Variants in HS2ST1 observed in about 807,000 individuals in gnomAD.
HS2ST1 encodes the protein 2-O-sulfotransferase.
HS2ST1 carries 18 observed loss-of-function variants against 42.9 expected under a neutral mutation model. The ratio of observed to expected loss-of-function variants is 0.42; its 90% CI spans 0.29 to 0.62. HS2ST1 has a LOEUF of 0.62. Among genes scored for constraint, HS2ST1 ranks in the 20% least tolerant of loss-of-function variants. The pLI, the probability that HS2ST1 is intolerant of heterozygous loss-of-function variation, is 0.21. For synonymous variants in HS2ST1, 146 were observed against 152.9 expected (o/e 0.95, Z 0.33); for missense variants, 334 against 433.8 (o/e 0.77, Z 2.04).
intron 1 of HS2ST1, chr1:87,045,282 G>A: frequency 2.7e-6 from 3 of 1,102,472 alleles, no homozygotes; most frequent in South Asian, 2.5e-5. Context: ...GTATAGTCCT[G>A]GAGGAAGTAA....
At chr1:86,928,888 ACT>A (rs1553130639) in intron 1 of HS2ST1, among the ~76,000 whole-genome samples, 1 of 151,826 alleles carries the variant, frequency 6.6e-6, no homozygotes, top group Non-Finnish European at 1.5e-5. Context: ...TGTCAGTGAT[ACT>A]CTCTGACTTG....
rs1652357902 is a variant in HS2ST1 at position 87,107,696 on chromosome 1, ACTTGTATCAACTC to A, written c.*3003_*3015del. 1 of 151,936 alleles carries A rather than the reference ACTTGTATCAACTC, an allele frequency of 6.6e-6. No individual in the cohort carries two copies. Among genetic ancestry groups the A allele is most frequent in the Non-Finnish European group, 1.5e-5 (1 of 67,880 alleles). The allele number at this position is 151,936 out of a possible 1,614,324, so 9.4% of individuals were successfully genotyped here. ...AGAAGAAAAGATACCTTTCTGTTCA[ACTTGTATCAACTC>A]CTCTTTTCTAATTGCTGTGAAATGG... On this transcript the variant is annotated 3_prime_UTR_variant, in exon 7 of 7. Transcript: ENST00000370550.
At chr1:86,938,204 T>C (rs1332452472) in intron 1 of HS2ST1, among the ~76,000 whole-genome samples, 1 of 152,148 alleles carries the variant, frequency 6.6e-6, no homozygotes, top group African/African-American at 2.4e-5. Flanking sequence ...GAGACATCTC[T>C]TTTTCCCCCA....
At chr1:86,935,689 C>G (rs574917497) in intron 1 of HS2ST1, among the ~76,000 whole-genome samples, 11 of 151,978 alleles carry the variant, frequency 7.2e-5, no homozygotes, top group Non-Finnish European at 1.5e-4. Flanking sequence ...GTCTCAAACT[C>G]CTGGCCTCAA....
chr1:86,969,892 G>A (rs905451951), intron 1 of HS2ST1, among the ~76,000 whole-genome samples: 2 of 152,074 alleles, frequency 1.3e-5, no homozygotes, highest in Admixed American at 6.6e-5. Flanking sequence ...TTGGGAGGCC[G>A]AGGCAGGTGG....
Position 87,045,343 on chromosome 1 carries a change from G to C in HS2ST1, c.125-27591G>C. ...TCATTCCAAATTCTGACAACTTCTT[G>C]TGATTATTAGCTTCTGTCTCTCCCT... On this transcript the variant is annotated intron_variant, in intron 1 of 6. Transcript: ENST00000370550. The C allele has an allele frequency of 2.3e-6, 3 of 1,298,174 alleles. No individual in the cohort carries two copies. The South Asian group carries it at 3.5e-5, about 15-fold the overall frequency. The allele number at this position is 1,298,174 out of a possible 1,614,324, so 80.4% of individuals were successfully genotyped here.
intron 1 of HS2ST1, among the ~76,000 whole-genome samples, chr1:87,039,562 C>T (rs2100603221): frequency 6.6e-6 from 1 of 152,298 alleles, no homozygotes; most frequent in South Asian, 2.1e-4. Context: ...TTATTACTTG[C>T]TTAATGAATT....
At position 86,962,271 on chromosome 1, in the gene HS2ST1, A is replaced by T. The variant is rs566228084; in HGVS notation, c.124+47111A>T. The stretch of plus-strand genomic sequence containing the variant: ...GGAATTACAAAAACAGTAATCTAAC[A>T]TTGCATATTTTAGAGCATCATTGTA... On this transcript the variant is annotated intron_variant, in intron 1 of 6. Transcript: ENST00000370550. 2.0e-5 allele frequency among the ~76,000 whole-genome samples: 3 copies of T among 152,344 alleles called. No individual in the cohort carries two copies. The East Asian group carries it at 5.8e-4, about 29-fold the overall frequency.
chr1:86,990,836 ATTTTTTTTTT>A lies in HS2ST1; in HGVS notation c.124+75690_124+75699del, dbSNP rs55739816. 6.8e-4 allele frequency among the ~76,000 whole-genome samples: 30 copies of A among 44,228 alleles called. 2 individuals are homozygous for A. The highest frequency in any genetic ancestry group is 1.5e-3 in the Admixed American group (3 of 2,040). 29.0% of individuals were successfully genotyped at this position (44,228 alleles called of 152,430 possible). On this transcript the variant is annotated intron_variant, in intron 1 of 6. Transcript: ENST00000370550. Reference sequence around the variant, plus strand: ...TTTATATATATATATATATATATATATTTTTTTTTTTTTTTTTTTTTTTAGTAGAGATGGG... The same window carrying A: ...TTTATATATATATATATATATATATATTTTTTTTTTTTTAGTAGAGATGGG...
intron 2 of HS2ST1, among the ~76,000 whole-genome samples, chr1:87,074,135 A>G (rs1186646029): frequency 1.3e-5 from 2 of 152,222 alleles, no homozygotes; most frequent in Non-Finnish European, 2.9e-5. Flanking sequence ...CTAGTAGTAT[A>G]TGGTATGTCA....
intron 1 of HS2ST1, among the ~76,000 whole-genome samples, chr1:87,014,746 C>T (rs1217018603): frequency 6.6e-6 from 1 of 152,202 alleles, no homozygotes; most frequent in African/African-American, 2.4e-5. Flanking sequence ...AATACTTCTA[C>T]CCAACACATC....
intron 1 of HS2ST1, among the ~76,000 whole-genome samples, chr1:86,936,264 A>G (rs1022127763): frequency 5.9e-5 from 9 of 152,106 alleles, no homozygotes; most frequent in African/African-American, 2.2e-4. Context: ...GGTACTGATC[A>G]TTGAATTTTT....
intron 5 of HS2ST1, among the ~76,000 whole-genome samples, chr1:87,101,147 GTGTTTTTTGTTTTT>G (rs1190460740): frequency 1.3e-5 from 1 of 75,892 alleles, no homozygotes; most frequent in Non-Finnish European, 2.5e-5. Context: ...GTGTGTGTGT[GTGTTTTTTGTTTTT>G]TTTTTTTTTT....
At chr1:87,062,826 A>C (rs1002223514) in intron 1 of HS2ST1, among the ~76,000 whole-genome samples, 1 of 152,152 alleles carries the variant, frequency 6.6e-6, no homozygotes, top group Non-Finnish European at 1.5e-5. Context: ...TTATTTCAGC[A>C]CTTGAAAAAC....
At chr1:87,009,472 G>A (rs375306900) in intron 1 of HS2ST1, among the ~76,000 whole-genome samples, 2 of 152,188 alleles carry the variant, frequency 1.3e-5, no homozygotes, top group East Asian at 1.9e-4. Flanking sequence ...TTCATGTTGA[G>A]TAGTTGCCAT....
intron 1 of HS2ST1, among the ~76,000 whole-genome samples, chr1:86,944,387 T>TA (rs1440123943): frequency 6.6e-6 from 1 of 152,136 alleles, no homozygotes; most frequent in Non-Finnish European, 1.5e-5. Flanking sequence ...GACAGTCTCA[T>TA]ACTGTTGCCC....
intron 1 of HS2ST1, among the ~76,000 whole-genome samples, chr1:86,976,501 A>AT (rs1023415903): frequency 6.6e-6 from 1 of 151,750 alleles, no homozygotes; most frequent in African/African-American, 2.4e-5. Flanking sequence ...ATTAGAATTG[A>AT]TTTTTTTCTC....
chr1:87,097,463 G>C (rs201858504), intron 4 of HS2ST1, among the ~76,000 whole-genome samples: 54 of 152,014 alleles, frequency 3.6e-4, no homozygotes, highest in Non-Finnish European at 6.5e-4. Flanking sequence ...TCTCCATCTC[G>C]GCTCACTGCA....
At chr1:87,019,176 T>C (rs1442134789) in intron 1 of HS2ST1, among the ~76,000 whole-genome samples, 1 of 152,224 alleles carries the variant, frequency 6.6e-6, no homozygotes, top group African/African-American at 2.4e-5. Context: ...CTCCCTGGAA[T>C]TAAAATTGCT....
Sources: gnomAD v4.1 joint callset for allele counts (sites outside exome capture counted in the v4.1 genomes callset) on GRCh38, gnomAD v4.1.1 for gene constraint, MANE v1.5 for transcripts, NCBI Gene and HGNC (gene_info 2026-07-23, HGNC 2026-07-21) for gene names.